The following CDKL5 variants were observed in gnomAD, a reference collection of about 807,000 sequenced individuals.
CDKL5 encodes cyclin-dependent kinase-like 5.
In CDKL5, 8 loss-of-function variants were observed where a neutral mutation model predicts 61.7. That is an observed-to-expected ratio of 0.13 (90% CI 0.08 to 0.23). The LOEUF (loss-of-function observed/expected upper bound fraction) is 0.23. CDKL5 is among the 10% of genes least tolerant of loss of function. The pLI is 1.00. For synonymous variants in CDKL5, 275 were observed against 272.3 expected (o/e 1.01, Z -0.10); for missense variants, 440 against 734.5 (o/e 0.60, Z 4.63).
At chrX:18,527,593 C>G (rs1288594389) in intron 3 of CDKL5, among the ~76,000 whole-genome samples, 1 of 111,290 alleles carries the variant, frequency 9.0e-6, no homozygotes, top group Non-Finnish European at 1.9e-5. Flanking sequence ...TCATTCAAAT[C>G]TGATGTGAAT....
chrX:18,567,050 T>C (rs186669407), intron 4 of CDKL5, among the ~76,000 whole-genome samples: 15 of 112,006 alleles, frequency 1.3e-4, no homozygotes, highest in African/African-American at 4.5e-4. Flanking sequence ...TTCATTCCAG[T>C]CTGGCCCACT....
intron 1 of CDKL5, among the ~76,000 whole-genome samples, chrX:18,505,599 C>T (rs962212097): frequency 2.7e-4 from 30 of 111,551 alleles, no homozygotes; most frequent in African/African-American, 9.5e-4. Context: ...GTAAAATGTC[C>T]CTCAGCTTGG....
At chrX:18,443,243 T>G (rs1199472289) in intron 1 of CDKL5, among the ~76,000 whole-genome samples, 1 of 112,356 alleles carries the variant, frequency 8.9e-6, no homozygotes, top group Non-Finnish European at 1.9e-5. Context: ...GTGTCTGTAC[T>G]TCACTTTTTC....
intron 3 of CDKL5, among the ~76,000 whole-genome samples, chrX:18,531,905 A>C (rs1923659780): frequency 9.4e-6 from 1 of 106,426 alleles, no homozygotes; most frequent in Admixed American, 1.0e-4. Context: ...ACGGGGTTTC[A>C]CCTTGTTAGC....
At chrX:18,504,593 C>A (rs912329972) in intron 1 of CDKL5, among the ~76,000 whole-genome samples, 2 of 111,820 alleles carry the variant, frequency 1.8e-5, no homozygotes, top group African/African-American at 6.5e-5. Flanking sequence ...GAAGGGCACT[C>A]CTTGACAATA....
chrX:18,628,840 C>A lies in CDKL5; in HGVS notation c.*83C>A. 1 of 1,084,380 alleles carries A rather than the reference C, an allele frequency of 9.2e-7. No individual in the cohort carries two copies. The allele number at this position is 1,084,380 out of a possible 1,213,427, so 89.4% of individuals were successfully genotyped here. A position where few individuals can be genotyped will look rare whatever the true frequency, so the allele number is the denominator to read the frequency against. ...GGTGGGCTGGGCTTGGGGCATGGGC[C>A]GGGCCAAGTGGTGAGCCAATATTTT... On this transcript the variant is annotated 3_prime_UTR_variant, in exon 18 of 18. Coordinates refer to ENST00000623535, the MANE Select transcript of CDKL5 (RefSeq NM_001323289.2).
chrX:18,645,802 T>G (rs187013927), intron 19 of CDKL5, among the ~76,000 whole-genome samples: 9 of 111,085 alleles, frequency 8.1e-5, no homozygotes, highest in Non-Finnish European at 1.3e-4. Flanking sequence ...CATCCTCATT[T>G]GGTAATAGAA....
At position 18,487,923 on chromosome X, in the gene CDKL5, G is replaced by GA. The variant is rs753248377; in HGVS notation, c.-162-19004dup. Among the ~76,000 whole-genome samples, 17 of 110,632 alleles carry GA rather than the reference G, an allele frequency of 1.5e-4. No individual in the cohort carries two copies. In the South Asian group the frequency reaches 4.3e-3, roughly 28 times the overall value. ...AGAGTGAGACTCCGTCTCGGGGGAAGAAAAAAAATCACTTCCTAGCTAGAC... is the reference window on the plus strand; with the variant it reads ...AGAGTGAGACTCCGTCTCGGGGGAAGAAAAAAAAATCACTTCCTAGCTAGAC... On this transcript the variant is annotated intron_variant, in intron 1 of 17. Transcript: ENST00000623535.
At chrX:18,529,080 CTT>C (rs57521306) in intron 3 of CDKL5, among the ~76,000 whole-genome samples, 1 of 101,413 alleles carries the variant, frequency 9.9e-6, no homozygotes, top group Non-Finnish European at 2.0e-5. Flanking sequence ...GTTGTACTTA[CTT>C]TTTTTTTTTA....
Position 18,597,385 on chromosome X carries a change from G to T in CDKL5, c.826-1077G>T, listed in dbSNP as rs1440485703. Reference sequence around the variant, plus strand: ...CCATCTCATCCTGTCAGCCAATTTAGTGGGGGTACAGGTCACCAAAATTAA... The same window carrying T: ...CCATCTCATCCTGTCAGCCAATTTATTGGGGGTACAGGTCACCAAAATTAA... On this transcript the variant is annotated intron_variant, in intron 10 of 17. Coordinates refer to ENST00000623535, the MANE Select transcript of CDKL5 (RefSeq NM_001323289.2). Among the ~76,000 whole-genome samples, 18 of 109,917 alleles carry T rather than the reference G, an allele frequency of 1.6e-4. No individual in the cohort carries two copies. The Admixed American group carries it at 1.7e-3, about 10-fold the overall frequency.
intron 11 of CDKL5, among the ~76,000 whole-genome samples, chrX:18,603,024 G>A (rs1926228088): frequency 1.8e-5 from 2 of 111,924 alleles, no homozygotes; most frequent in African/African-American, 6.5e-5. Flanking sequence ...TTCAAATAGA[G>A]GACAAGATTT....
chrX:18,613,522 C>T (rs1185847288), intron 15 of CDKL5, among the ~76,000 whole-genome samples: 2 of 112,049 alleles, frequency 1.8e-5, no homozygotes, highest in Non-Finnish European at 3.8e-5. Context: ...ACGCTTTCCA[C>T]TGTGTTGTTC....
At chrX:18,468,922 A>G (rs1314013760) in intron 1 of CDKL5, among the ~76,000 whole-genome samples, 1 of 111,709 alleles carries the variant, frequency 9.0e-6, no homozygotes, top group Admixed American at 9.6e-5. Flanking sequence ...TAGAATACCT[A>G]ATGTCACAAT....
At chrX:18,551,725 A>G (rs1270079318) in intron 3 of CDKL5, among the ~76,000 whole-genome samples, 1 of 107,009 alleles carries the variant, frequency 9.3e-6, no homozygotes, top group Non-Finnish European at 1.9e-5. Flanking sequence ...AGCTGGGACT[A>G]TAGGTGTGCA....
intron 14 of CDKL5, among the ~76,000 whole-genome samples, chrX:18,612,082 A>G (rs1926571056): frequency 8.9e-6 from 1 of 112,195 alleles, no homozygotes; most frequent in African/African-American, 3.2e-5. Context: ...AAAGCAGAAA[A>G]GTATTTATTC....
intron 14 of CDKL5, among the ~76,000 whole-genome samples, chrX:18,611,512 C>T (rs1250437919): frequency 9.2e-6 from 1 of 108,497 alleles, no homozygotes; most frequent in Non-Finnish European, 1.9e-5. Context: ...AATATTGTAA[C>T]ATACATGTGC....
intron 3 of CDKL5, among the ~76,000 whole-genome samples, chrX:18,517,336 C>T (rs1001030800): frequency 6.3e-5 from 7 of 111,403 alleles, no homozygotes; most frequent in African/African-American, 2.3e-4. Flanking sequence ...TCTTTCATCC[C>T]TCTTCAGGGA....
chrX:18,557,471 C>T (rs755765513), intron 3 of CDKL5, among the ~76,000 whole-genome samples: 10 of 111,382 alleles, frequency 9.0e-5, no homozygotes, highest in African/African-American at 9.8e-5. Flanking sequence ...TCTATATCCT[C>T]GTAGATACTG....
chrX:18,652,698 GAC>G (rs776153573), intron 21 of CDKL5, among the ~76,000 whole-genome samples: 1 of 111,506 alleles, frequency 9.0e-6, no homozygotes, highest in East Asian at 2.8e-4. Context: ...ATCCTTATCA[GAC>G]ACACACAGAA....
Sources: allele counts gnomAD v4.1 joint callset (sites outside exome capture counted in the v4.1 genomes callset), GRCh38; gene constraint gnomAD v4.1.1; transcripts MANE v1.5; gene names NCBI Gene and HGNC (gene_info 2026-07-23, HGNC 2026-07-21).